Variants in FHIT observed in about 807,000 individuals in gnomAD.
FHIT encodes the protein bis(5'-adenosyl)-triphosphatase.
Under a neutral mutation model 17.9 loss-of-function variants are expected in FHIT, and 19 were observed. That is an observed-to-expected ratio of 1.06 (90% CI 0.74 to 1.56). The LOEUF (loss-of-function observed/expected upper bound fraction) is 1.56, where lower values mean the gene tolerates loss of function less well. Ranked by LOEUF, FHIT falls within the 40% of genes most tolerant of loss-of-function variation. The pLI, the probability that FHIT is intolerant of heterozygous loss-of-function variation, is 0.00. For missense variants in FHIT, 248 were observed against 189.2 expected (o/e 1.31, Z -1.82); for synonymous variants, 81 against 69.7 (o/e 1.16, Z -0.81).
At chr3:60,425,255 C>A (rs74835960) in intron 5 of FHIT, among the ~76,000 whole-genome samples, 1,634 of 152,252 alleles carry the variant, frequency 0.011, 25 homozygotes, top group African/African-American at 0.038. Flanking sequence ...CAATTATGAA[C>A]TGTGGTTGGC....
chr3:60,343,138 T>TA (rs955092201), intron 5 of FHIT, among the ~76,000 whole-genome samples: 51 of 152,248 alleles, frequency 3.3e-4, no homozygotes, highest in African/African-American at 1.2e-3. Context: ...ATCAATATAC[T>TA]AAAAAAACTA....
At chr3:61,120,388 G>T (rs2036422024) in intron 2 of FHIT, among the ~76,000 whole-genome samples, 2 of 152,160 alleles carry the variant, frequency 1.3e-5, no homozygotes, top group South Asian at 4.1e-4. Context: ...CTACAGAAAG[G>T]CAATCTATAT....
intron 5 of FHIT, among the ~76,000 whole-genome samples, chr3:60,260,898 C>T (rs374307306): frequency 6.6e-6 from 1 of 151,992 alleles, no homozygotes; most frequent in Non-Finnish European, 1.5e-5. Flanking sequence ...CTAAAACACA[C>T]TCCCACCAGC....
intron 4 of FHIT, among the ~76,000 whole-genome samples, chr3:60,600,911 C>T (rs528153900): frequency 2.0e-4 from 30 of 152,264 alleles, no homozygotes; most frequent in African/African-American, 7.2e-4. Context: ...TGCAACAGCC[C>T]TGCACCAAGC....
chr3:60,032,005 A>G (rs145982871), intron 5 of FHIT, among the ~76,000 whole-genome samples: 3 of 152,312 alleles, frequency 2.0e-5, no homozygotes, highest in African/African-American at 7.2e-5. Flanking sequence ...AGTTACCTTG[A>G]AATATCATTT....
intron 3 of FHIT, among the ~76,000 whole-genome samples, chr3:60,909,436 C>G (rs1351017172): frequency 3.3e-5 from 5 of 150,776 alleles, no homozygotes; most frequent in African/African-American, 1.2e-4. Flanking sequence ...TGAGTTCATT[C>G]GTTGTGGAAC....
intron 3 of FHIT, among the ~76,000 whole-genome samples, chr3:61,023,615 T>C (rs1355923050): frequency 6.6e-6 from 1 of 152,162 alleles, no homozygotes; most frequent in Non-Finnish European, 1.5e-5. Context: ...AAGATTACAG[T>C]AACCAAAACA....
chr3:59,765,638 T>G (rs538800721), intron 8 of FHIT, among the ~76,000 whole-genome samples: 2 of 152,322 alleles, frequency 1.3e-5, no homozygotes, highest in East Asian at 1.9e-4. Context: ...GCTCTGGCAT[T>G]GCGGTTGAGA....
intron 5 of FHIT, among the ~76,000 whole-genome samples, chr3:60,419,420 C>CT (rs1454688526): frequency 6.6e-6 from 1 of 152,188 alleles, no homozygotes; most frequent in African/African-American, 2.4e-5. Context: ...AGAGTTGGCA[C>CT]TTTCTGTGTC....
intron 5 of FHIT, among the ~76,000 whole-genome samples, chr3:60,073,746 G>A (rs1355390304): frequency 2.0e-5 from 3 of 151,986 alleles, no homozygotes; most frequent in Admixed American, 2.0e-4. Flanking sequence ...TGTGGCCCTT[G>A]ACTCACTGGA....
chr3:60,350,256 A>C (rs73107028), intron 5 of FHIT, among the ~76,000 whole-genome samples: 24,004 of 151,952 alleles, frequency 0.16, 1,953 homozygotes, highest in African/African-American at 0.18. Context: ...GCAAGCAGGG[A>C]AAACTTGGTA....
intron 4 of FHIT, among the ~76,000 whole-genome samples, chr3:60,819,718 T>C (rs563307125): frequency 6.4e-4 from 98 of 152,282 alleles, no homozygotes; most frequent in African/African-American, 2.2e-3. Context: ...TTCCCATAAC[T>C]AGCTTCATTT....
intron 4 of FHIT, among the ~76,000 whole-genome samples, chr3:60,673,166 T>C (rs1412032946): frequency 3.9e-5 from 6 of 152,172 alleles, no homozygotes; most frequent in Non-Finnish European, 5.9e-5. Flanking sequence ...TTATTCCATA[T>C]ATTTACCATT....
At chr3:59,837,192 C>G (rs1701367790) in intron 8 of FHIT, among the ~76,000 whole-genome samples, 1 of 152,102 alleles carries the variant, frequency 6.6e-6, no homozygotes, top group Non-Finnish European at 1.5e-5. Context: ...AATTTTAAGT[C>G]ACCTTTCCCT....
chr3:60,531,430 T>C (rs1009306522), intron 5 of FHIT, among the ~76,000 whole-genome samples: 7 of 151,782 alleles, frequency 4.6e-5, no homozygotes, highest in African/African-American at 1.2e-4. Flanking sequence ...AGGCGCCCGC[T>C]ACCACGCCCG....
chr3:60,152,581 T>C (rs182976391), intron 5 of FHIT, among the ~76,000 whole-genome samples: 28 of 152,042 alleles, frequency 1.8e-4, no homozygotes, highest in Middle Eastern at 6.8e-3. Context: ...CAAGGGGAGA[T>C]TCAAGAAGTT....
chr3:60,762,578 T>G (rs1553720306), intron 4 of FHIT, among the ~76,000 whole-genome samples: 1 of 152,214 alleles, frequency 6.6e-6, no homozygotes, highest in East Asian at 1.9e-4. Flanking sequence ...CTCCTTGGTC[T>G]AGCAGTATGT....
At chr3:60,909,368 C>CG (rs1275655310) in intron 3 of FHIT, among the ~76,000 whole-genome samples, 7 of 68,084 alleles carry the variant, frequency 1.0e-4, no homozygotes, top group Admixed American at 6.2e-4. Context: ...GACTCTGTCT[C>CG]GAAAAAAAAA....
intron 5 of FHIT, among the ~76,000 whole-genome samples, chr3:60,278,609 G>C (rs1191029984): frequency 6.6e-6 from 1 of 151,970 alleles, no homozygotes; most frequent in Non-Finnish European, 1.5e-5. Context: ...AAAGCCCAAA[G>C]ACAACAGGGA....
Sources: gnomAD v4.1 joint callset for allele counts (sites outside exome capture counted in the v4.1 genomes callset) on GRCh38, gnomAD v4.1.1 for gene constraint, MANE v1.5 for transcripts, NCBI Gene and HGNC (gene_info 2026-07-23, HGNC 2026-07-21) for gene names.